CCDC82: variants seen among roughly 807,000 people sequenced by gnomAD.
CCDC82 encodes coiled-coil domain containing 82.
Under a neutral mutation model 60.6 loss-of-function variants are expected in CCDC82, and 47 were observed. The ratio of observed to expected loss-of-function variants is 0.77; its 90% CI spans 0.61 to 0.99. The LOEUF (loss-of-function observed/expected upper bound fraction) is 0.99, where lower values mean the gene tolerates loss of function less well. Ranked by LOEUF, CCDC82 falls within the 50% of genes least tolerant of loss-of-function variation. The pLI, the probability that CCDC82 is intolerant of heterozygous loss-of-function variation, is 0.00. For missense variants in CCDC82, 588 were observed against 633.0 expected (o/e 0.93, Z 0.76); for synonymous variants, 212 against 207.4 (o/e 1.02, Z -0.19).
intron 8 of CCDC82, chr11:96,363,535 ATTG>A (rs1864785362): frequency 1.3e-5 from 2 of 152,200 alleles, no homozygotes; most frequent in South Asian, 2.1e-4. Context: ...GCAAATACTA[ATTG>A]TTATCATACT....
At chr11:96,389,136 A>G (rs577257021) in intron 1 of CCDC82, 1 of 152,380 alleles carries the variant, frequency 6.6e-6, no homozygotes, top group African/African-American at 2.4e-5. Context: ...AATAGGATAT[A>G]AGAAAATAAA....
chr11:96,358,972 A>T (rs746885475), intron 9 of CCDC82, 21 bp downstream of exon 9: 1 of 1,567,638 alleles, frequency 6.4e-7, no homozygotes, highest in African/African-American at 1.4e-5. Flanking sequence ...ACATGATAAG[A>T]TTCTCATATA....
At chr11:96,385,137 A>C (rs992867755) in intron 3 of CCDC82, 2 of 160,128 alleles carry the variant, frequency 1.2e-5, no homozygotes, top group Non-Finnish European at 2.7e-5. Flanking sequence ...CTGCAAGAGA[A>C]GTGGAAAGAT....
intron 5 of CCDC82, among the ~76,000 whole-genome samples, chr11:96,376,926 T>C (rs1165097180): frequency 6.6e-6 from 1 of 152,186 alleles, no homozygotes; most frequent in Admixed American, 6.5e-5. Context: ...TGGATATTTC[T>C]GGGAGATAAG....
At chr11:96,368,109 C>A (rs1286097768) in intron 7 of CCDC82, among the ~76,000 whole-genome samples, 1 of 152,044 alleles carries the variant, frequency 6.6e-6, no homozygotes, top group African/African-American at 2.4e-5. Flanking sequence ...CCTGAGCCAC[C>A]ACACCTGGCC....
intron 5 of CCDC82, among the ~76,000 whole-genome samples, chr11:96,377,547 A>G (rs1865653753): frequency 6.6e-6 from 1 of 152,144 alleles, no homozygotes; most frequent in African/African-American, 2.4e-5. Context: ...TGTCATGTAA[A>G]GGACGTATGT....
At chr11:96,375,642 T>G (rs1165596610) in intron 5 of CCDC82, among the ~76,000 whole-genome samples, 1 of 152,162 alleles carries the variant, frequency 6.6e-6, no homozygotes, top group Non-Finnish European at 1.5e-5. Flanking sequence ...AACTGAAATA[T>G]AGAGAGGATG....
intron 8 of CCDC82, chr11:96,364,014 G>C (rs1012598743): frequency 6.6e-6 from 1 of 151,930 alleles, no homozygotes; most frequent in African/African-American, 2.4e-5. Flanking sequence ...TGCTTCACAG[G>C]AATGTCAGAG....
At position 96,384,605 on chromosome 11, in the gene CCDC82, T is replaced by A; in HGVS notation, c.143A>T (p.Glu48Val). The change falls in exon 4 of 10, where the codon GAA (glutamate) becomes GTA (valine). Residue 48 changes from glutamate (E) to valine (V), a missense_variant. By Grantham distance (121) the Glu-to-Val change is moderately radical. Coordinates refer to ENST00000646818, the MANE Select transcript of CCDC82 (RefSeq NM_024725.4). Reference sequence around the variant, plus strand: ...ATCAAGCTCTTCATCACTATCAAATTCTTCACTATCAAGCTCTTCATCACT... The same window carrying A: ...ATCAAGCTCTTCATCACTATCAAATACTTCACTATCAAGCTCTTCATCACT... The part of the protein sequence containing the change: ...LDSDEELDSE[E>V]FDSDEELDSD... 1 of 1,613,556 alleles carries A rather than the reference T, an allele frequency of 6.2e-7. No homozygotes were observed. Among genetic ancestry groups the A allele is most frequent in the South Asian group, 1.1e-5 (1 of 91,066 alleles).
chr11:96,379,708 T>C (rs1040360122), intron 5 of CCDC82, among the ~76,000 whole-genome samples: 1 of 151,834 alleles, frequency 6.6e-6, no homozygotes, highest in African/African-American at 2.4e-5. Context: ...CACCCAAAAC[T>C]CCTTCATATT....
intron 9 of CCDC82, chr11:96,357,757 G>A: frequency 1.0e-6 from 1 of 985,368 alleles, no homozygotes; most frequent in Non-Finnish European, 1.2e-6. Context: ...AAGCACTTAA[G>A]AATTTAATGT....
chr11:96,378,665 G>A (rs929727908), intron 5 of CCDC82, among the ~76,000 whole-genome samples: 62 of 151,858 alleles, frequency 4.1e-4, no homozygotes, highest in Non-Finnish European at 7.5e-4. Flanking sequence ...ATATATAATA[G>A]AGTACTGGAT....
At chr11:96,371,536 C>A (rs192494153) in intron 6 of CCDC82, among the ~76,000 whole-genome samples, 6 of 152,194 alleles carry the variant, frequency 3.9e-5, no homozygotes, top group African/African-American at 1.4e-4. Flanking sequence ...GAGCTGAGAT[C>A]GCACCACTGT....
intron 5 of CCDC82, among the ~76,000 whole-genome samples, chr11:96,376,038 ATGAC>A (rs1167315681): frequency 2.6e-5 from 4 of 152,174 alleles, no homozygotes; most frequent in Non-Finnish European, 4.4e-5. Flanking sequence ...AGTTTTCCCC[ATGAC>A]TATTTAAAAA....
chr11:96,358,647 G>T, intron 9 of CCDC82: 1 of 1,242,368 alleles, frequency 8.0e-7, no homozygotes, highest in Non-Finnish European at 1.0e-6. Flanking sequence ...GACAAGCAGA[G>T]GTGAGTCCTA....
Position 96,383,319 on chromosome 11 carries a change from C to T in CCDC82, c.941G>A (p.Gly314Glu). The change falls in exon 5 of 10, where the codon GGA (glycine) becomes GAA (glutamate). Residue 314 changes from glycine (G) to glutamate (E), a missense_variant. Physicochemically the swap from Gly to Glu is moderately conservative, Grantham distance 98 (BLOSUM62 -2). Coordinates refer to ENST00000646818, the MANE Select transcript of CCDC82 (RefSeq NM_024725.4). ...EGDEENKNQQGEKLTTSQLKL... is the reference protein window; with the variant it reads ...EGDEENKNQQEEKLTTSQLKL... ...CAGTTGTGATGTAGTCAATTTTTCT[C>T]CTTGTTGGTTTTTATTCTCTTCATC... 6.2e-7 allele frequency: 1 copy of T among 1,607,984 alleles called. No individual in the cohort carries two copies. Among genetic ancestry groups the T allele is most frequent in the Non-Finnish European group, 8.5e-7 (1 of 1,175,790 alleles).
intron 1 of CCDC82, 51 bp downstream of exon 1, chr11:96,389,793 G>C (rs569250633): frequency 6.6e-6 from 1 of 152,336 alleles, no homozygotes; most frequent in Non-Finnish European, 1.5e-5. Context: ...CACCGGGAGC[G>C]CGAGCGAGTC....
At chr11:96,356,131 T>C (rs1037563085) in intron 9 of CCDC82, 1 of 152,142 alleles carries the variant, frequency 6.6e-6, no homozygotes, top group African/African-American at 2.4e-5. Context: ...TCCACAAGGA[T>C]TGTCATTCAA....
At chr11:96,373,126 T>C (rs1865374259) in intron 6 of CCDC82, among the ~76,000 whole-genome samples, 1 of 152,176 alleles carries the variant, frequency 6.6e-6, no homozygotes, top group Admixed American at 6.5e-5. Context: ...CCTGTCAAAT[T>C]CACTGTTAAC....
Sources: gnomAD v4.1 joint callset for allele counts (sites outside exome capture counted in the v4.1 genomes callset) on GRCh38, gnomAD v4.1.1 for gene constraint, MANE v1.5 for transcripts, NCBI Gene and HGNC (gene_info 2026-07-23, HGNC 2026-07-21) for gene names.